Variants in SPON1 observed in about 807,000 individuals in gnomAD.
SPON1 encodes spondin 1.
Under a neutral mutation model 111.7 loss-of-function variants are expected in SPON1, and 52 were observed. The ratio of observed to expected loss-of-function variants is 0.47; its 90% CI spans 0.37 to 0.59. The LOEUF (loss-of-function observed/expected upper bound fraction) is 0.59. Among genes scored for constraint, SPON1 ranks in the 20% least tolerant of loss-of-function variants. The pLI is 0.00. For missense variants in SPON1, 957 were observed against 1,068.5 expected, an observed-to-expected ratio of 0.90 and a Z score of 1.46; for synonymous variants, 410 against 395.8, an observed-to-expected ratio of 1.04 and a Z score of -0.43.
intron 6 of SPON1, among the ~76,000 whole-genome samples, chr11:14,207,186 C>G (rs1290581951): frequency 6.6e-6 from 1 of 152,134 alleles, no homozygotes; most frequent in Non-Finnish European, 1.5e-5. Flanking sequence ...TAGCCATATG[C>G]AGAAGATTGA....
At chr11:14,177,553 T>C (rs974785373) in intron 6 of SPON1, among the ~76,000 whole-genome samples, 2 of 152,152 alleles carry the variant, frequency 1.3e-5, no homozygotes, top group Non-Finnish European at 2.9e-5. Context: ...CAAGCACTGA[T>C]CTTAAGAGCA....
chr11:14,024,312 G>C (rs1848501871), intron 2 of SPON1, among the ~76,000 whole-genome samples: 1 of 152,198 alleles, frequency 6.6e-6, no homozygotes, highest in African/African-American at 2.4e-5. Context: ...TATCGCAAGA[G>C]CAGAGGGCTT....
intron 3 of SPON1, among the ~76,000 whole-genome samples, chr11:14,064,250 A>T (rs957301294): frequency 6.6e-6 from 1 of 152,244 alleles, no homozygotes; most frequent in Non-Finnish European, 1.5e-5. Context: ...GGATAATACA[A>T]GATATTAAAT....
chr11:14,128,885 C>T (rs1847494781), intron 5 of SPON1, among the ~76,000 whole-genome samples: 1 of 152,240 alleles, frequency 6.6e-6, no homozygotes, highest in Non-Finnish European at 1.5e-5. Flanking sequence ...AGGCTTGGGG[C>T]TTGCACCCTC....
At chr11:14,257,605 A>T (rs1849123530) in intron 10 of SPON1, 111 bp from the exon 11 acceptor site, 2 of 1,015,394 alleles carry the variant, frequency 2.0e-6, no homozygotes, top group Non-Finnish European at 2.8e-6. Flanking sequence ...GGCTCACTGA[A>T]GTCAGTCTGG....
chr11:14,228,276 T>C lies in SPON1; in HGVS notation c.826-15056T>C, dbSNP rs1299535772. 1.3e-5 allele frequency among the ~76,000 whole-genome samples: 2 copies of C among 152,206 alleles called. No homozygotes were observed. Among genetic ancestry groups the C allele is most frequent in the African/African-American group, 4.8e-5 (2 of 41,450 alleles). ...GTTCAGGCAGCAGCACACGTATCCT[T>C]TGGGCTTTACCTAGTCAAAATGTCT... On this transcript the variant is annotated intron_variant, in intron 6 of 15. Transcript: ENST00000576479. This position sits in a 1 kb window ranked among gnomAD's most constrained non-coding sequence, Gnocchi z 4.2.
In SPON1 at chr11:14,243,374, C is replaced by A; in HGVS notation, c.868C>A (p.Pro290Thr). 6.3e-7 allele frequency: 1 copy of A among 1,578,968 alleles called. No individual in the cohort carries two copies. Among genetic ancestry groups the A allele is most frequent in the East Asian group, 2.3e-5 (1 of 43,360 alleles). ...LTVIKAKAQW[P>T]AWQPLNVRAA... ...CGTCATCAAAGCCAAAGCCCAATGGCCAGCCTGGCAGCCTCTCAACGTGTA... is the reference window on the plus strand; with the variant it reads ...CGTCATCAAAGCCAAAGCCCAATGGACAGCCTGGCAGCCTCTCAACGTGTA... The change falls in exon 7 of 16, where the codon CCA becomes ACA. Residue 290 changes from proline (P) to threonine (T), a missense_variant. Physicochemically the swap from Pro to Thr is conservative, Grantham distance 38. Around this residue, in one of 5 missense-constraint regions of SPON1, gnomAD observed 122 missense variants for 143.2 expected, o/e 0.85. Coordinates refer to ENST00000576479, the MANE Select transcript of SPON1 (RefSeq NM_006108.4).
At chr11:14,119,269 A>G (rs140398640) in intron 5 of SPON1, among the ~76,000 whole-genome samples, 1 of 152,240 alleles carries the variant, frequency 6.6e-6, no homozygotes, top group Non-Finnish European at 1.5e-5. Flanking sequence ...GAGGAAGCAG[A>G]AGTGAAGGAA....
At chr11:14,120,820 C>T (rs1849299153) in intron 5 of SPON1, among the ~76,000 whole-genome samples, 1 of 152,160 alleles carries the variant, frequency 6.6e-6, no homozygotes, top group African/African-American at 2.4e-5. Flanking sequence ...CCTTCCGTAA[C>T]CCCATCACAA....
chr11:14,237,786 T>C (rs1334253595), intron 6 of SPON1, among the ~76,000 whole-genome samples: 2 of 152,228 alleles, frequency 1.3e-5, no homozygotes, highest in African/African-American at 2.4e-5. Flanking sequence ...TTCAGTGTTG[T>C]GAACATGGTC....
chr11:14,111,514 A>G (rs1184493933), intron 5 of SPON1, among the ~76,000 whole-genome samples: 2 of 152,248 alleles, frequency 1.3e-5, no homozygotes, highest in Non-Finnish European at 2.9e-5. Flanking sequence ...AGGAATATGT[A>G]CGTACTAACA....
chr11:14,091,387 C>A (rs955822302), intron 5 of SPON1, among the ~76,000 whole-genome samples: 13 of 152,150 alleles, frequency 8.5e-5, no homozygotes, highest in African/African-American at 2.9e-4. Flanking sequence ...GGGTGGTGCT[C>A]GTTGGGGAGG....
At chr11:14,024,649 G>T (rs1175687601) in intron 2 of SPON1, among the ~76,000 whole-genome samples, 4 of 152,208 alleles carry the variant, frequency 2.6e-5, no homozygotes, top group Non-Finnish European at 5.9e-5. Context: ...ATGGGCACAG[G>T]ATGGGGGGCA....
chr11:14,001,826 G>C (rs1320178193), intron 2 of SPON1, among the ~76,000 whole-genome samples: 1 of 152,100 alleles, frequency 6.6e-6, no homozygotes, highest in African/African-American at 2.4e-5. Flanking sequence ...CGTATAATGG[G>C]AATATCAGAC....
At chr11:14,074,973 T>C (rs1235220191) in intron 3 of SPON1, among the ~76,000 whole-genome samples, 2 of 152,166 alleles carry the variant, frequency 1.3e-5, no homozygotes, top group Non-Finnish European at 2.9e-5. Flanking sequence ...ATTTGGCTGA[T>C]CTATAAATGG....
At chr11:13,977,919 GA>G (rs1238902204) in intron 1 of SPON1, among the ~76,000 whole-genome samples, 1 of 152,116 alleles carries the variant, frequency 6.6e-6, no homozygotes, top group African/African-American at 2.4e-5. Flanking sequence ...ACCACTTACT[GA>G]AAAGATTATC....
At chr11:13,994,901 A>G (rs937395823) in intron 2 of SPON1, among the ~76,000 whole-genome samples, 25 of 152,162 alleles carry the variant, frequency 1.6e-4, no homozygotes, top group African/African-American at 5.8e-4. Context: ...AGCCCACAAT[A>G]TTCCCTTTCT....
At chr11:14,014,775 A>G (rs1472517868) in intron 2 of SPON1, among the ~76,000 whole-genome samples, 7 of 152,254 alleles carry the variant, frequency 4.6e-5, no homozygotes, top group Admixed American at 3.9e-4. Context: ...GCCTCTTCTC[A>G]TGCAGATTTG....
At chr11:14,156,920 G>A (rs1211006119) in intron 6 of SPON1, among the ~76,000 whole-genome samples, 1 of 152,126 alleles carries the variant, frequency 6.6e-6, no homozygotes, top group South Asian at 2.1e-4. Context: ...GGGGAAGTCT[G>A]CCCCCATGAT....
Sources: allele counts gnomAD v4.1 joint callset (sites outside exome capture counted in the v4.1 genomes callset), GRCh38; gene constraint gnomAD v4.1.1; regional missense constraint gnomAD v4.1.1; non-coding constraint Gnocchi (gnomAD v3.1); transcripts MANE v1.5; gene names NCBI Gene and HGNC (gene_info 2026-07-23, HGNC 2026-07-21).